The following TMEM131 variants were observed in gnomAD, a reference collection of about 807,000 sequenced individuals.
TMEM131 encodes 2610524E03Rik.
Under a neutral mutation model 211.6 loss-of-function variants are expected in TMEM131, and 66 were observed. The ratio of observed to expected loss-of-function variants is 0.31; its 90% CI spans 0.26 to 0.38. The LOEUF (loss-of-function observed/expected upper bound fraction) is 0.38. Ranked by LOEUF, TMEM131 falls within the 10% of genes least tolerant of loss-of-function variation. TMEM131 has a pLI of 1.00. For missense variants in TMEM131, 2,036 were observed against 2,299.3 expected (o/e 0.89, Z 2.34); for synonymous variants, 844 against 841.3 (o/e 1.00, Z -0.06).
At chr2:97,932,789 G>C (rs149420467) in intron 1 of TMEM131, among the ~76,000 whole-genome samples, 3 of 150,584 alleles carry the variant, frequency 2.0e-5, no homozygotes, top group East Asian at 2.1e-4. Context: ...GCTATTACTG[G>C]AACTATAGCC....
Position 97,760,852 on chromosome 2 carries a change from G to A in TMEM131, c.4952C>T (p.Pro1651Leu), listed in dbSNP as rs146358465. The A allele has an allele frequency of 2.9e-5, 46 of 1,614,000 alleles. No homozygotes were observed. The highest frequency in any genetic ancestry group is 3.3e-5 in the Non-Finnish European group (39 of 1,179,892). Reference sequence around the variant, plus strand: ...AAAAGTGGGGTTGCCGTTCTTGCCCGGGAGCGAGGCTGCCTTTGTCAACTT... The same window carrying A: ...AAAAGTGGGGTTGCCGTTCTTGCCCAGGAGCGAGGCTGCCTTTGTCAACTT... ...KHKLTKAASL[P>L]GKNGNPTFAA... The change falls in exon 37 of 41, where the codon CCG becomes CTG. Residue 1651 changes from proline (P) to leucine (L), a missense_variant. This residue lies in a region of TMEM131 where 1,623 missense variants were observed against 1,805.9 expected (regional missense o/e 0.90). Coordinates refer to ENST00000186436, the MANE Select transcript of TMEM131 (RefSeq NM_015348.2).
At chr2:97,825,861 C>A (rs1682357638) in intron 11 of TMEM131, among the ~76,000 whole-genome samples, 1 of 152,246 alleles carries the variant, frequency 6.6e-6, no homozygotes, top group Non-Finnish European at 1.5e-5. Flanking sequence ...AAGGATCTCA[C>A]TGTCTGGACT....
chr2:97,805,342 T>C, intron 21 of TMEM131, 34 bp downstream of exon 21: 1 of 1,604,112 alleles, frequency 6.2e-7, no homozygotes, highest in Non-Finnish European at 8.5e-7. Context: ...TTGGGGGAAG[T>C]GAAGACATGA....
chr2:97,936,644 G>C (rs1248487860), intron 1 of TMEM131, among the ~76,000 whole-genome samples: 1 of 152,134 alleles, frequency 6.6e-6, no homozygotes, highest in Non-Finnish European at 1.5e-5. Flanking sequence ...AAAATAACTT[G>C]TTCAGAAAGC....
At chr2:97,793,993 CAAAA>C (rs1169823016) in intron 29 of TMEM131, among the ~76,000 whole-genome samples, 1 of 54,434 alleles carries the variant, frequency 1.8e-5, no homozygotes, top group African/African-American at 7.6e-5. Flanking sequence ...GACTCTGTCT[CAAAA>C]AAAAAAAAAA....
intron 31 of TMEM131, among the ~76,000 whole-genome samples, chr2:97,788,734 T>C (rs1228556584): frequency 1.3e-5 from 2 of 152,140 alleles, no homozygotes; most frequent in African/African-American, 2.4e-5. Flanking sequence ...TGGAAAACCG[T>C]AGCAAGCAGT....
intron 1 of TMEM131, among the ~76,000 whole-genome samples, chr2:97,948,744 G>A (rs1440183975): frequency 1.3e-5 from 2 of 150,674 alleles, no homozygotes; most frequent in Admixed American, 6.6e-5. Flanking sequence ...TGCAAGCTCC[G>A]CCTTCCAGGT....
intron 5 of TMEM131, among the ~76,000 whole-genome samples, chr2:97,850,424 T>C (rs755435220): frequency 1.3e-5 from 2 of 152,064 alleles, no homozygotes; most frequent in Non-Finnish European, 2.9e-5. Context: ...TACATACCAG[T>C]GGTCTAAAAA....
chr2:97,977,884 G>A lies in TMEM131; in HGVS notation c.187+17592C>T, dbSNP rs533838169. On this transcript the variant is annotated intron_variant, in intron 1 of 40. Coordinates refer to ENST00000186436, the MANE Select transcript of TMEM131 (RefSeq NM_015348.2). ...AGGCGGATCATGAGGTCAGGAGTTC[G>A]AGACCAACCTGGCCAACATAGTGAA... Among the ~76,000 whole-genome samples, 8 of 152,126 alleles carry A rather than the reference G, an allele frequency of 5.3e-5. No homozygotes were observed. The East Asian group carries it at 1.5e-3, about 29-fold the overall frequency.
At chr2:97,895,022 C>T (rs2104301376) in intron 3 of TMEM131, among the ~76,000 whole-genome samples, 1 of 152,226 alleles carries the variant, frequency 6.6e-6, no homozygotes, top group East Asian at 1.9e-4. Flanking sequence ...ATAAATAGCT[C>T]TTATTAGTTT....
chr2:97,834,060 A>G (rs1245076081), intron 10 of TMEM131, among the ~76,000 whole-genome samples: 1 of 152,228 alleles, frequency 6.6e-6, no homozygotes, highest in East Asian at 1.9e-4. Flanking sequence ...ATGTAAAAAT[A>G]TACTAACAGC....
At chr2:97,964,104 A>AT (rs1367657060) in intron 1 of TMEM131, among the ~76,000 whole-genome samples, 4 of 152,250 alleles carry the variant, frequency 2.6e-5, no homozygotes, top group African/African-American at 9.6e-5. Context: ...TACTAATAGA[A>AT]TGACAGCAAT....
intron 11 of TMEM131, among the ~76,000 whole-genome samples, chr2:97,823,132 C>G (rs1203124883): frequency 1.3e-5 from 2 of 152,156 alleles, no homozygotes; most frequent in African/African-American, 4.8e-5. Context: ...AGGAGGACCT[C>G]TCAGCTTACC....
intron 3 of TMEM131, among the ~76,000 whole-genome samples, chr2:97,891,591 T>C (rs2104281324): frequency 6.6e-6 from 1 of 152,224 alleles, no homozygotes; most frequent in Non-Finnish European, 1.5e-5. Flanking sequence ...ATACAAGAAA[T>C]CTTGTGGGAA....
chr2:97,815,140 G>T (rs564844335), intron 13 of TMEM131, 59 bp downstream of exon 13: 204 of 968,340 alleles, frequency 2.1e-4, no homozygotes, highest in Non-Finnish European at 1.3e-5. Flanking sequence ...CATTTAGCAG[G>T]AAAATATAAT....
chr2:97,817,944 T>C (rs548432271), intron 12 of TMEM131, among the ~76,000 whole-genome samples: 1 of 152,368 alleles, frequency 6.6e-6, no homozygotes, highest in South Asian at 2.1e-4. Context: ...TCAATTCTCA[T>C]TTAATTATCT....
At chr2:97,905,940 G>A (rs1460898415) in intron 3 of TMEM131, among the ~76,000 whole-genome samples, 1 of 152,174 alleles carries the variant, frequency 6.6e-6, no homozygotes, top group Non-Finnish European at 1.5e-5. Flanking sequence ...GAGGATATTG[G>A]AGACACCACT....
chr2:97,991,355 G>A (rs974617893), intron 1 of TMEM131, among the ~76,000 whole-genome samples: 14 of 152,302 alleles, frequency 9.2e-5, no homozygotes, highest in African/African-American at 1.4e-4. Flanking sequence ...GGCGAAAGGC[G>A]GTAGGAGAGA....
At position 97,757,002 on chromosome 2, in the gene TMEM131, AGG is replaced by A. The variant is rs1004929753; in HGVS notation, c.*95_*96del. ...TTTTGCAAAGAAGAGGAGGGTGGGG[AGG>A]GGAGCTGCAGTAAGAGCCTTAAAAA... On this transcript the variant is annotated 3_prime_UTR_variant, in exon 41 of 41. Transcript: ENST00000186436. The A allele has an allele frequency of 1.4e-6, 2 of 1,397,768 alleles. No individual in the cohort carries two copies. Among genetic ancestry groups the A allele is most frequent in the African/African-American group, 2.9e-5 (2 of 68,918 alleles). 86.6% of individuals were successfully genotyped at this position (1,397,768 alleles called of 1,614,324 possible).
Sources: gnomAD v4.1 joint callset for allele counts (sites outside exome capture counted in the v4.1 genomes callset) on GRCh38, gnomAD v4.1.1 for gene constraint, gnomAD v4.1.1 regional missense constraint, MANE v1.5 for transcripts, NCBI Gene and HGNC (gene_info 2026-07-23, HGNC 2026-07-21) for gene names.